Variants in RAPGEF2 observed in about 807,000 individuals in gnomAD.
RAPGEF2 encodes the protein PDZ domain containing guanine nucleotide exchange factor (GEF) 1.
In RAPGEF2, 54 loss-of-function variants were observed where a neutral mutation model predicts 186.7. That is an observed-to-expected ratio of 0.29 (90% confidence interval 0.23 to 0.36). RAPGEF2 has a LOEUF of 0.36. Among genes scored for constraint, RAPGEF2 ranks in the 10% least tolerant of loss-of-function variants. RAPGEF2 has a pLI of 1.00. For missense variants in RAPGEF2, 1,532 were observed against 2,045.0 expected, an observed-to-expected ratio of 0.75 and a Z score of 4.84; for synonymous variants, 712 against 705.9, an observed-to-expected ratio of 1.01 and a Z score of -0.14.
intron 1 of RAPGEF2, among the ~76,000 whole-genome samples, chr4:159,156,451 A>G (rs1261885023): frequency 6.6e-6 from 1 of 152,000 alleles, no homozygotes; most frequent in Non-Finnish European, 1.5e-5. Context: ...ATTTGTATGT[A>G]ATTTTTTTTT....
chr4:159,266,688 ATG>A (rs1757474865), intron 7 of RAPGEF2, among the ~76,000 whole-genome samples: 1 of 152,148 alleles, frequency 6.6e-6, no homozygotes, highest in Admixed American at 6.5e-5. Flanking sequence ...CATCATCTAA[ATG>A]TATACAAAGC....
intron 1 of RAPGEF2, among the ~76,000 whole-genome samples, chr4:159,171,685 T>A (rs915655823): frequency 4.7e-5 from 2 of 42,918 alleles, no homozygotes; most frequent in Non-Finnish European, 8.5e-5. Flanking sequence ...GTCTCTTAAA[T>A]TTTTTTTTTT....
At chr4:159,236,353 T>C (rs1021170453) in intron 4 of RAPGEF2, among the ~76,000 whole-genome samples, 3 of 152,230 alleles carry the variant, frequency 2.0e-5, no homozygotes, top group Non-Finnish European at 4.4e-5. Context: ...TGTGACTTCC[T>C]AGCCATGAAG....
intron 1 of RAPGEF2, among the ~76,000 whole-genome samples, chr4:159,152,210 G>A (rs13150218): frequency 0.61 from 92,423 of 151,846 alleles, 28,592 homozygotes; most frequent in African/African-American, 0.72. Flanking sequence ...TAGTCCTGCT[G>A]TTTGGAGGCT....
chr4:159,159,199 C>A (rs1744439983), intron 1 of RAPGEF2, among the ~76,000 whole-genome samples: 1 of 152,158 alleles, frequency 6.6e-6, no homozygotes, highest in Non-Finnish European at 1.5e-5. Flanking sequence ...TCCCTCAGCC[C>A]CTTTCCTGGA....
intron 7 of RAPGEF2, among the ~76,000 whole-genome samples, chr4:159,254,958 C>A (rs1022586523): frequency 7.2e-5 from 11 of 152,138 alleles, no homozygotes; most frequent in African/African-American, 2.7e-4. Flanking sequence ...AGTGAACGAC[C>A]ACATACACAA....
intron 11 of RAPGEF2, among the ~76,000 whole-genome samples, chr4:159,326,438 A>C (rs1038574032): frequency 2.6e-5 from 4 of 152,244 alleles, no homozygotes; most frequent in African/African-American, 9.6e-5. Context: ...AGGCTTTGCC[A>C]TCATTATCTT....
intron 3 of RAPGEF2, among the ~76,000 whole-genome samples, chr4:159,202,430 C>G (rs1340800945): frequency 1.3e-5 from 2 of 152,152 alleles, no homozygotes; most frequent in Non-Finnish European, 2.9e-5. Flanking sequence ...TTCTCCACTC[C>G]CGAAAACCCC....
At chr4:159,271,177 C>T (rs940633230) in intron 7 of RAPGEF2, among the ~76,000 whole-genome samples, 11 of 152,098 alleles carry the variant, frequency 7.2e-5, no homozygotes, top group African/African-American at 2.7e-4. Context: ...GCTCTTCTCT[C>T]CCCATCTTGC....
At chr4:159,196,190 G>C (rs184385931) in intron 3 of RAPGEF2, among the ~76,000 whole-genome samples, 178 of 152,216 alleles carry the variant, frequency 1.2e-3, no homozygotes, top group African/African-American at 4.1e-3. Context: ...AAATGTAGTT[G>C]AATTGTTTTC....
At chr4:159,193,073 A>G (rs1056773126) in intron 2 of RAPGEF2, 127 bp from the exon 3 acceptor site, 3 of 429,772 alleles carry the variant, frequency 7.0e-6, no homozygotes, top group Non-Finnish European at 1.2e-5. Flanking sequence ...CTTGAGGCTA[A>G]TAAATGATTG....
Position 159,219,347 on chromosome 4 carries a change from CTTTTTTTTT to C in RAPGEF2, c.281+8782_281+8790del, listed in dbSNP as rs70962664. On this transcript the variant is annotated intron_variant, in intron 4 of 29. Coordinates refer to ENST00000691494, the MANE Select transcript of RAPGEF2 (RefSeq NM_001394067.2). ...CAAGGGATAGTGTCCCAACTGTATC[CTTTTTTTTT>C]TTTTTTTTTTTTTTTTTGAGACGGA... Among the ~76,000 whole-genome samples the C allele has an allele frequency of 9.0e-3, 736 of 81,430 alleles. 4 individuals carry two copies. The highest frequency in any genetic ancestry group is 0.039 in the African/African-American group (689 of 17,794). The allele number at this position is 81,430 out of a possible 152,430, so 53.4% of individuals were successfully genotyped here.
Position 159,241,320 on chromosome 4 carries a change from G to A in RAPGEF2, c.477G>A (p.Val159=). ...KGERQTIIDT[V]DPYPMGKPPL... Reference sequence around the variant, plus strand: ...AAAGACAAACAATTATTGACACTGTGGATCCTTATCCCATGGGCAAACCTC... The same window carrying A: ...AAAGACAAACAATTATTGACACTGTAGATCCTTATCCCATGGGCAAACCTC... Residue 159 remains valine, a synonymous_variant, in exon 6 of 30, where the codon GTG becomes GTA. Transcript: ENST00000691494. 1 of 1,529,414 alleles carries A rather than the reference G, an allele frequency of 6.5e-7. No homozygotes were observed. Among genetic ancestry groups the A allele is most frequent in the Non-Finnish European group, 8.8e-7 (1 of 1,142,780 alleles). The allele number at this position is 1,529,414 out of a possible 1,614,324, so 94.7% of individuals were successfully genotyped here.
At chr4:159,188,011 G>A (rs1303767847) in intron 2 of RAPGEF2, among the ~76,000 whole-genome samples, 2 of 152,136 alleles carry the variant, frequency 1.3e-5, no homozygotes, top group Admixed American at 1.3e-4. Context: ...TGTAGATTAA[G>A]TGTTTAAAAA....
chr4:159,154,156 A>G (rs905935647), intron 1 of RAPGEF2, among the ~76,000 whole-genome samples: 9 of 152,294 alleles, frequency 5.9e-5, no homozygotes, highest in South Asian at 2.1e-4. Flanking sequence ...ATATTTGGCA[A>G]TGTAATTTTA....
In RAPGEF2 at chr4:159,242,787, T is replaced by C. The variant is rs114838784; in HGVS notation, c.526-987T>C. ...AGGAAATATGTATTAAAAATAGTTA[T>C]ACATATTAATAGTACAACACAGATA... On this transcript the variant is annotated intron_variant, in intron 6 of 29. Transcript: ENST00000691494. Among the ~76,000 whole-genome samples, 519 of 152,218 alleles carry C rather than the reference T, an allele frequency of 3.4e-3. 4 individuals are homozygous for C. Among genetic ancestry groups the C allele is most frequent in the African/African-American group, 0.012 (499 of 41,578 alleles).
At chr4:159,208,470 T>G (rs539909776) in intron 3 of RAPGEF2, among the ~76,000 whole-genome samples, 70 of 152,214 alleles carry the variant, frequency 4.6e-4, no homozygotes, top group Non-Finnish European at 9.3e-4. Context: ...GGAGTGTGGA[T>G]GTGGTGGATG....
At chr4:159,150,715 G>A (rs1743447175) in intron 1 of RAPGEF2, among the ~76,000 whole-genome samples, 1 of 152,218 alleles carries the variant, frequency 6.6e-6, no homozygotes, top group Admixed American at 6.5e-5. Context: ...GACCATGGAA[G>A]TCCAGGAGTA....
rs192475892 is a variant in RAPGEF2 at position 159,176,235 on chromosome 4, T to C, written c.70-10407T>C. The stretch of plus-strand genomic sequence containing the variant: ...TTGGTGTTTGGGTTTCATTCCAGTG[T>C]GGGGAGCCTTGGAACGAGGTGGTTT... On this transcript the variant is annotated intron_variant, in intron 1 of 29. Coordinates refer to ENST00000691494, the MANE Select transcript of RAPGEF2 (RefSeq NM_001394067.2). Among the ~76,000 whole-genome samples, 428 of 152,232 alleles carry C rather than the reference T, an allele frequency of 2.8e-3. 3 individuals are homozygous for C. The highest frequency in any genetic ancestry group is 2.5e-3 in the Non-Finnish European group (171 of 68,004).
Sources: allele counts gnomAD v4.1 joint callset (sites outside exome capture counted in the v4.1 genomes callset), GRCh38; gene constraint gnomAD v4.1.1; transcripts MANE v1.5; gene names NCBI Gene and HGNC (gene_info 2026-07-23, HGNC 2026-07-21).